GUCY1A2: variants seen among roughly 807,000 people sequenced by gnomAD.
The protein encoded by GUCY1A2 is guanylate cyclase soluble subunit alpha-2.
GUCY1A2 carries 27 observed loss-of-function variants against 63.5 expected under a neutral mutation model. The ratio of observed to expected loss-of-function variants is 0.43; its 90% CI spans 0.31 to 0.59. The LOEUF (loss-of-function observed/expected upper bound fraction) is 0.59. Ranked by LOEUF, GUCY1A2 falls within the 20% of genes least tolerant of loss-of-function variation. GUCY1A2 has a pLI of 0.11. For missense variants in GUCY1A2, 768 were observed against 913.3 expected (o/e 0.84, Z 2.05); for synonymous variants, 364 against 343.5 (o/e 1.06, Z -0.66).
chr11:106,697,720 C>A (rs1027662955), intron 7 of GUCY1A2, among the ~76,000 whole-genome samples: 19 of 152,170 alleles, frequency 1.2e-4, no homozygotes, highest in African/African-American at 4.3e-4. Context: ...AAAATATATT[C>A]ATAAGGCATT....
chr11:106,774,574 G>C (rs1428378072), intron 6 of GUCY1A2, among the ~76,000 whole-genome samples: 1 of 151,280 alleles, frequency 6.6e-6, no homozygotes, highest in Non-Finnish European at 1.5e-5. Flanking sequence ...CTGTGTCTGG[G>C]TACTGATTGA....
intron 4 of GUCY1A2, among the ~76,000 whole-genome samples, chr11:106,891,629 C>CA (rs1859975984): frequency 6.6e-6 from 1 of 151,868 alleles, no homozygotes; most frequent in African/African-American, 2.4e-5. Flanking sequence ...TTTGTTTTTC[C>CA]ATATAAATAC....
At chr11:106,922,426 T>A (rs1860457137) in intron 4 of GUCY1A2, among the ~76,000 whole-genome samples, 1 of 151,682 alleles carries the variant, frequency 6.6e-6, no homozygotes, top group African/African-American at 2.4e-5. Flanking sequence ...AAACTCACAA[T>A]TTAATAAAAG....
At chr11:106,724,427 G>C (rs1454115512) in intron 6 of GUCY1A2, among the ~76,000 whole-genome samples, 2 of 152,122 alleles carry the variant, frequency 1.3e-5, no homozygotes, top group African/African-American at 2.4e-5. Flanking sequence ...CCCTGAATCT[G>C]ATCACCCTAT....
At chr11:106,855,383 A>T (rs1859414871) in intron 4 of GUCY1A2, among the ~76,000 whole-genome samples, 1 of 152,014 alleles carries the variant, frequency 6.6e-6, no homozygotes, top group Non-Finnish European at 1.5e-5. Context: ...CTCTCACTCT[A>T]TGCCTCAGAG....
intron 6 of GUCY1A2, among the ~76,000 whole-genome samples, chr11:106,762,732 T>A (rs899040809): frequency 2.0e-5 from 3 of 152,114 alleles, no homozygotes; most frequent in Non-Finnish European, 4.4e-5. Context: ...ATGAATTCTT[T>A]CCCATTGAAA....
intron 2 of GUCY1A2, among the ~76,000 whole-genome samples, chr11:106,980,673 C>A (rs1174600102): frequency 1.3e-5 from 2 of 152,162 alleles, no homozygotes; most frequent in Non-Finnish European, 2.9e-5. Flanking sequence ...GAAAACAGAG[C>A]AATCTGTCTA....
At chr11:106,889,069 G>A (rs1859940750) in intron 4 of GUCY1A2, among the ~76,000 whole-genome samples, 1 of 151,826 alleles carries the variant, frequency 6.6e-6, no homozygotes, top group Admixed American at 6.6e-5. Flanking sequence ...TCTTAACATA[G>A]TAAGCATTTC....
At chr11:106,945,142 T>C (rs1860809210) in intron 3 of GUCY1A2, among the ~76,000 whole-genome samples, 1 of 149,464 alleles carries the variant, frequency 6.7e-6, no homozygotes, top group African/African-American at 2.5e-5. Flanking sequence ...GAATATCTGG[T>C]TGGATTCCTG....
intron 5 of GUCY1A2, among the ~76,000 whole-genome samples, chr11:106,795,789 TAGGG>T (rs1022529524): frequency 6.6e-6 from 1 of 152,150 alleles, no homozygotes; most frequent in Non-Finnish European, 1.5e-5. Context: ...AACTTATTAA[TAGGG>T]AGGCAGCAGC....
chr11:106,967,048 G>C (rs1212136806), intron 3 of GUCY1A2, among the ~76,000 whole-genome samples: 1 of 152,162 alleles, frequency 6.6e-6, no homozygotes, highest in Non-Finnish European at 1.5e-5. Context: ...AGAACCAGAA[G>C]ACAGAGAATG....
intron 1 of GUCY1A2, among the ~76,000 whole-genome samples, chr11:106,989,363 G>A (rs1239468385): frequency 6.6e-6 from 1 of 151,608 alleles, no homozygotes; most frequent in African/African-American, 2.4e-5. Flanking sequence ...TTTTTTTTTA[G>A]TTAAATGATC....
chr11:106,833,027 A>G (rs1174098672), intron 4 of GUCY1A2, among the ~76,000 whole-genome samples: 1 of 152,060 alleles, frequency 6.6e-6, no homozygotes, highest in African/African-American at 2.4e-5. Flanking sequence ...GTCTGAGATC[A>G]TGGTGTTGAC....
intron 3 of GUCY1A2, among the ~76,000 whole-genome samples, chr11:106,953,087 AG>A (rs1455364431): frequency 6.6e-6 from 1 of 152,158 alleles, no homozygotes; most frequent in Non-Finnish European, 1.5e-5. Flanking sequence ...GTGGTGAGAG[AG>A]GGCATCCTTG....
chr11:106,727,224 G>A (rs564314489), intron 6 of GUCY1A2, among the ~76,000 whole-genome samples: 9 of 152,314 alleles, frequency 5.9e-5, no homozygotes, highest in African/African-American at 2.2e-4. Flanking sequence ...TGTAAGGTCT[G>A]AAGAAAGAAG....
chr11:106,770,014 T>C (rs564566092), intron 6 of GUCY1A2, among the ~76,000 whole-genome samples: 4 of 152,114 alleles, frequency 2.6e-5, no homozygotes, highest in Non-Finnish European at 5.9e-5. Flanking sequence ...CAACCGTGGA[T>C]TGAAAATATG....
rs149309010 is a variant in GUCY1A2, at chr11:106,944,632, C to A, written c.488-4454G>T. Among the ~76,000 whole-genome samples the A allele has an allele frequency of 5.8e-3, 875 of 152,142 alleles. 7 individuals are homozygous for A. The highest frequency in any genetic ancestry group is 0.02 in the African/African-American group (845 of 41,512). Reference sequence around the variant, plus strand: ...ATATAACAAACCTGCACATGTACCCCTGAATTTAAAATAAAATTTTTTAAT... The same window carrying A: ...ATATAACAAACCTGCACATGTACCCATGAATTTAAAATAAAATTTTTTAAT... On this transcript the variant is annotated intron_variant, in intron 3 of 7. Transcript: ENST00000526355.
intron 4 of GUCY1A2, among the ~76,000 whole-genome samples, chr11:106,823,566 G>A (rs952973556): frequency 5.3e-5 from 8 of 152,050 alleles, no homozygotes; most frequent in African/African-American, 1.7e-4. Flanking sequence ...AAGTGCAGGT[G>A]TCATTTTTAA....
intron 1 of GUCY1A2, among the ~76,000 whole-genome samples, chr11:106,992,325 C>CTTTTTTT (rs11297661): frequency 8.8e-6 from 1 of 113,756 alleles, no homozygotes. Context: ...AAGAATATGT[C>CTTTTTTT]TTTTTTTTTT....
Sources: gnomAD v4.1 joint callset for allele counts (sites outside exome capture counted in the v4.1 genomes callset) on GRCh38, gnomAD v4.1.1 for gene constraint, MANE v1.5 for transcripts, NCBI Gene and HGNC (gene_info 2026-07-23, HGNC 2026-07-21) for gene names.